Variants in SP1 observed in about 807,000 individuals in gnomAD.
The protein encoded by SP1 is transcription factor Sp1.
SP1 carries 6 observed loss-of-function variants against 66.3 expected under a neutral mutation model. The ratio of observed to expected loss-of-function variants is 0.09; its 90% confidence interval spans 0.05 to 0.18. The LOEUF (loss-of-function observed/expected upper bound fraction) is 0.18, where lower values mean the gene tolerates loss of function less well. Ranked by LOEUF, SP1 falls within the 10% of genes least tolerant of loss-of-function variation. The pLI, the probability that SP1 is intolerant of heterozygous loss-of-function variation, is 1.00. For missense variants in SP1, 848 were observed against 964.5 expected, an observed-to-expected ratio of 0.88 and a Z score of 1.60; for synonymous variants, 417 against 360.8, an observed-to-expected ratio of 1.16 and a Z score of -1.77.
intron 5 of SP1, among the ~76,000 whole-genome samples, 166 bp downstream of exon 5, chr12:53,409,727 G>T (rs1003455506): frequency 1.3e-5 from 2 of 152,074 alleles, no homozygotes; most frequent in African/African-American, 4.8e-5. Flanking sequence ...AAGGAAGGAG[G>T]GGCTGGGTGC....
At position 53,380,236 on chromosome 12, in the gene SP1, G is replaced by GCCCCCCCCAA; in HGVS notation, c.-48_-39dup. On this transcript the variant is annotated 5_prime_UTR_variant, in exon 1 of 6. Coordinates refer to ENST00000327443, the MANE Select transcript of SP1 (RefSeq NM_138473.3). ...CTCGTCAGCGTCCGCGTTTTTCCCGGCCCCCCCCAACCCCCCCGGACAGGA... is the reference window on the plus strand; with the variant it reads ...CTCGTCAGCGTCCGCGTTTTTCCCGGCCCCCCCCAACCCCCCCCAACCCCCCCGGACAGGA... 9.8e-7 allele frequency: 1 copy of GCCCCCCCCAA among 1,023,204 alleles called. No individual in the cohort carries two copies. Among genetic ancestry groups the GCCCCCCCCAA allele is most frequent in the Non-Finnish European group, 1.5e-6 (1 of 656,926 alleles). 63.4% of individuals were successfully genotyped at this position (1,023,204 alleles called of 1,614,324 possible). A position where few individuals can be genotyped will look rare whatever the true frequency, so the allele number is the denominator to read the frequency against.
chr12:53,380,286 G>C lies in SP1; in HGVS notation c.-6G>C. The C allele has an allele frequency of 6.3e-7, 1 of 1,579,766 alleles. No individual in the cohort carries two copies. Among genetic ancestry groups the C allele is most frequent in the Non-Finnish European group, 8.7e-7 (1 of 1,155,392 alleles). On this transcript the variant is annotated 5_prime_UTR_variant, in exon 1 of 6. Transcript: ENST00000327443. ...ACCCCCTTGAGCTTGTCCCTCAGCT[G>C]CCACCATGAGCGGTAAGGATGAGTC...
chr12:53,414,674 C>T lies in SP1; in HGVS notation c.*3434C>T, dbSNP rs949684957. 8 of 152,494 alleles carry T rather than the reference C, an allele frequency of 5.2e-5. No homozygotes were observed. Among genetic ancestry groups the T allele is most frequent in the African/African-American group, 1.9e-4 (8 of 41,402 alleles). 9.4% of individuals were successfully genotyped at this position (152,494 alleles called of 1,614,324 possible). On this transcript the variant is annotated 3_prime_UTR_variant, in exon 6 of 6. Coordinates refer to ENST00000327443, the MANE Select transcript of SP1 (RefSeq NM_138473.3). The stretch of plus-strand genomic sequence containing the variant: ...AGCACTATGAACTACAGGTGTTTGA[C>T]TTTCAAAATATATTTTGTATTGTTA...
chr12:53,395,194 G>A (rs1938458218), intron 3 of SP1, among the ~76,000 whole-genome samples: 1 of 151,996 alleles, frequency 6.6e-6, no homozygotes, highest in East Asian at 1.9e-4. Context: ...TACAAAAGTA[G>A]CTGGACTTGG....
chr12:53,389,695 T>TTTATA (rs1354266283), intron 3 of SP1, among the ~76,000 whole-genome samples: 4 of 152,102 alleles, frequency 2.6e-5, no homozygotes, highest in Non-Finnish European at 4.4e-5. Context: ...AGATCTTTAT[T>TTTATA]TTATTTTATT....
rs753292977 is a variant in SP1, at chr12:53,382,432, C to G, written c.485C>G (p.Thr162Arg). 4 of 1,614,058 alleles carry G rather than the reference C, an allele frequency of 2.5e-6. No homozygotes were observed. In the East Asian group the frequency reaches 6.7e-5, roughly 27 times the overall value. Residue 162 changes from threonine (T) to arginine (R), a missense_variant, in exon 3 of 6, where the codon ACA (threonine) becomes AGA (arginine). Around this residue, in one of 7 missense-constraint regions of SP1, gnomAD observed 606 missense variants for 589.9 expected, o/e 1.03. Transcript: ENST00000327443. ...AACTTACAGAACCAGCAAGTTCTGACAGGACTACCTGGAGTGATGCCTAAT... is the reference window on the plus strand; with the variant it reads ...AACTTACAGAACCAGCAAGTTCTGAGAGGACTACCTGGAGTGATGCCTAAT... ...APNLQNQQVL[T>R]GLPGVMPNIQ... is the part of the protein sequence containing the mutation.
At chr12:53,401,579 A>G (rs1938612771) in intron 3 of SP1, among the ~76,000 whole-genome samples, 1 of 152,204 alleles carries the variant, frequency 6.6e-6, no homozygotes, top group African/African-American at 2.4e-5. Context: ...TGATATGTTC[A>G]TCATAATCAT....
chr12:53,409,761 G>A (rs1938835549), intron 5 of SP1, among the ~76,000 whole-genome samples, 200 bp downstream of exon 5: 3 of 152,210 alleles, frequency 2.0e-5, no homozygotes, highest in Admixed American at 2.0e-4. Context: ...TGTAATCCCA[G>A]CACTTTTGGA....
At chr12:53,405,682 AG>A (rs1938717011) in intron 3 of SP1, among the ~76,000 whole-genome samples, 1 of 147,196 alleles carries the variant, frequency 6.8e-6, no homozygotes, top group African/African-American at 2.7e-5. Context: ...AGGAAAGAAA[AG>A]AGAGAGAGAG....
rs1484135871 is a variant in SP1 at position 53,413,173 on chromosome 12, A to G, written c.*1933A>G. ...TCAGATCAAAATGCCTTTCAGGCCC[A>G]TTACCTAGAAATCTATCTTAAAACC... On this transcript the variant is annotated 3_prime_UTR_variant, in exon 6 of 6. Transcript: ENST00000327443. 2.0e-5 allele frequency: 3 copies of G among 152,608 alleles called. No individual in the cohort carries two copies. Among genetic ancestry groups the G allele is most frequent in the Non-Finnish European group, 4.4e-5 (3 of 68,046 alleles). 9.5% of individuals were successfully genotyped at this position (152,608 alleles called of 1,614,324 possible). A position where few individuals can be genotyped will look rare whatever the true frequency, so the allele number is the denominator to read the frequency against.
At chr12:53,381,863 C>T in intron 2 of SP1, 50 bp downstream of exon 2, 1 of 1,567,572 alleles carries the variant, frequency 6.4e-7, no homozygotes. Context: ...TGTAAATATT[C>T]TTAGATAATT....
Position 53,412,032 on chromosome 12 carries a change from A to C in SP1, c.*792A>C, listed in dbSNP as rs558114437. 1 of 152,142 alleles carries C rather than the reference A, an allele frequency of 6.6e-6. No homozygotes were observed. Among genetic ancestry groups the C allele is most frequent in the South Asian group, 2.1e-4 (1 of 4,818 alleles). 9.4% of individuals were successfully genotyped at this position (152,142 alleles called of 1,614,324 possible). A position where few individuals can be genotyped will look rare whatever the true frequency, so the allele number is the denominator to read the frequency against. ...ACTGCCTGGATGAGGCACTTCTGTC[A>C]ATTTTTTCAGGACCTTAGTTCCAGC... On this transcript the variant is annotated 3_prime_UTR_variant, in exon 6 of 6. Transcript: ENST00000327443.
chr12:53,406,061 CTTTCTTTTTTTTTTT>C (rs1223644209), intron 3 of SP1, among the ~76,000 whole-genome samples: 15 of 111,704 alleles, frequency 1.3e-4, no homozygotes, highest in East Asian at 9.9e-4. Context: ...TTGGTATTTT[CTTTCTTTTTTTTTTT>C]TTTTTTTTTT....
chr12:53,401,902 CAAG>C (rs1418267616), intron 3 of SP1, among the ~76,000 whole-genome samples: 1 of 152,210 alleles, frequency 6.6e-6, no homozygotes, highest in Admixed American at 6.5e-5. Context: ...CTCCTGGCCT[CAAG>C]CGATCTGTCC....
intron 1 of SP1, 159 bp from the exon 2 acceptor site, chr12:53,381,491 TCCTGCATGC>T: frequency 1.8e-6 from 1 of 553,258 alleles, no homozygotes; most frequent in African/African-American, 1.9e-5. Context: ...CTAGTTCATG[TCCTGCATGC>T]CCTGCAGCTC....
At chr12:53,406,360 C>T (rs978599677) in intron 3 of SP1, among the ~76,000 whole-genome samples, 3 of 152,034 alleles carry the variant, frequency 2.0e-5, no homozygotes, top group Non-Finnish European at 2.9e-5. Context: ...TGAACCACTG[C>T]GCCCAGCCAC....
intron 3 of SP1, among the ~76,000 whole-genome samples, chr12:53,387,076 G>A (rs1013178239): frequency 3.3e-5 from 5 of 150,348 alleles, no homozygotes; most frequent in Non-Finnish European, 5.9e-5. Flanking sequence ...TCAGCCTCCC[G>A]AGTAGCTGGG....
At chr12:53,398,146 A>G (rs951026208) in intron 3 of SP1, among the ~76,000 whole-genome samples, 1 of 152,310 alleles carries the variant, frequency 6.6e-6, no homozygotes, top group Non-Finnish European at 1.5e-5. Context: ...ATTTCTTGTG[A>G]TGTAGATTTA....
Position 53,382,262 on chromosome 12 carries a change from T to C in SP1, c.315T>C (p.Asn105=), listed in dbSNP as rs763200529. 6.2e-7 allele frequency: 1 copy of C among 1,614,152 alleles called. No individual in the cohort carries two copies. The highest frequency in any genetic ancestry group is 8.5e-7 in the Non-Finnish European group (1 of 1,180,030). ...LTATQLSQGA[N]GWQIISSSSG... is the part of the protein sequence containing the mutation. ...CCACACAACTTTCACAGGGTGCCAA[T>C]GGCTGGCAGATCATCTCTTCCTCCT... Residue 105 remains asparagine, a synonymous_variant, in exon 3 of 6, where the codon AAT becomes AAC. Coordinates refer to ENST00000327443, the MANE Select transcript of SP1 (RefSeq NM_138473.3).
Sources: allele counts gnomAD v4.1 joint callset (sites outside exome capture counted in the v4.1 genomes callset), GRCh38; gene constraint gnomAD v4.1.1; regional missense constraint gnomAD v4.1.1; transcripts MANE v1.5; gene names NCBI Gene and HGNC (gene_info 2026-07-23, HGNC 2026-07-21).